ADAMTS19: variants seen among roughly 807,000 people sequenced by gnomAD.
ADAMTS19 encodes A disintegrin and metalloproteinase with thrombospondin motifs 19.
ADAMTS19 carries 93 observed loss-of-function variants against 153.3 expected under a neutral mutation model. The observed-to-expected ratio is 0.61, with a 90% confidence interval of 0.51 to 0.72. ADAMTS19 has a LOEUF of 0.72. Among genes scored for constraint, ADAMTS19 ranks in the 30% least tolerant of loss-of-function variants. The pLI, the probability that ADAMTS19 is intolerant of heterozygous loss-of-function variation, is 0.00. For synonymous variants in ADAMTS19, 600 were observed against 556.6 expected (o/e 1.08, Z -1.10); for missense variants, 1,482 against 1,552.1 (o/e 0.95, Z 0.76).
At chr5:129,530,069 C>T (rs1752146220) in intron 6 of ADAMTS19, among the ~76,000 whole-genome samples, 2 of 152,018 alleles carry the variant, frequency 1.3e-5, no homozygotes, top group Admixed American at 1.3e-4. Flanking sequence ...GATGATGAGC[C>T]AGTAATTGAA....
At position 129,526,179 on chromosome 5, in the gene ADAMTS19, A is replaced by T. The variant is rs567812550; in HGVS notation, c.914-105A>T. ...AAAGCCAAATGCCCTTTAAGATTTT[A>T]TGTGTGTCGGGAACTTATTTGGGTT... On this transcript the variant is annotated intron_variant, in intron 3 of 22. Transcript: ENST00000274487. 102 of 917,734 alleles carry T rather than the reference A, an allele frequency of 1.1e-4. 1 individual carries two copies. The highest frequency in any genetic ancestry group is 1.0e-3 in the Middle Eastern group (3 of 2,862). The allele number at this position is 917,734 out of a possible 1,614,324, so 56.8% of individuals were successfully genotyped here. A position where few individuals can be genotyped will look rare whatever the true frequency, so the allele number is the denominator to read the frequency against.
intron 2 of ADAMTS19, among the ~76,000 whole-genome samples, chr5:129,471,259 A>G (rs1333599497): frequency 2.0e-5 from 3 of 152,058 alleles, no homozygotes; most frequent in African/African-American, 7.2e-5. Flanking sequence ...CCAGCTACTC[A>G]GGAGGTTAAG....
At chr5:129,725,678 C>T (rs540711608) in intron 21 of ADAMTS19, among the ~76,000 whole-genome samples, 229 of 152,102 alleles carry the variant, frequency 1.5e-3, no homozygotes, top group South Asian at 3.7e-3. Flanking sequence ...ACCTGATGGT[C>T]GCCTGACATT....
intron 3 of ADAMTS19, among the ~76,000 whole-genome samples, chr5:129,523,572 T>C (rs570430094): frequency 6.6e-6 from 1 of 152,296 alleles, no homozygotes; most frequent in Non-Finnish European, 1.5e-5. Context: ...GGCTGCATAA[T>C]GTGACATGTA....
At chr5:129,585,158 C>T (rs1749717194) in intron 7 of ADAMTS19, among the ~76,000 whole-genome samples, 1 of 151,668 alleles carries the variant, frequency 6.6e-6, no homozygotes, top group South Asian at 2.1e-4. Context: ...GAGGGAGTTC[C>T]CCAACCCCTT....
intron 21 of ADAMTS19, among the ~76,000 whole-genome samples, chr5:129,730,636 A>G (rs372950270): frequency 8.3e-4 from 126 of 152,142 alleles, no homozygotes; most frequent in Admixed American, 2.0e-3. Context: ...TTAAATACAG[A>G]ACATGTACTT....
chr5:129,719,499 AC>A (rs1022697856), intron 21 of ADAMTS19, among the ~76,000 whole-genome samples: 9 of 152,314 alleles, frequency 5.9e-5, no homozygotes, highest in Non-Finnish European at 1.2e-4. Context: ...ATAATTTTAA[AC>A]TTTGGCATTT....
chr5:129,463,463 T>C (rs1357177002), intron 2 of ADAMTS19, among the ~76,000 whole-genome samples: 2 of 152,238 alleles, frequency 1.3e-5, no homozygotes, highest in Non-Finnish European at 2.9e-5. Context: ...CTGTTTATCA[T>C]GTTGGACTTT....
At position 129,738,237 on chromosome 5, in the gene ADAMTS19, A is replaced by T. The variant is rs1757755340; in HGVS notation, c.*1019A>T. ...TTAAAAAGTTTTACAATTATGTGAA[A>T]CGTTCAAAAGCCAGCTTAAAATTTT... is the stretch of plus-strand genomic sequence containing the variant. On this transcript the variant is annotated 3_prime_UTR_variant, in exon 23 of 23. Coordinates refer to ENST00000274487, the MANE Select transcript of ADAMTS19 (RefSeq NM_133638.6). The T allele has an allele frequency of 6.6e-6, 1 of 152,058 alleles. No individual in the cohort carries two copies. Among genetic ancestry groups the T allele is most frequent in the Non-Finnish European group, 1.5e-5 (1 of 67,982 alleles). 9.4% of individuals were successfully genotyped at this position (152,058 alleles called of 1,614,324 possible). A position where few individuals can be genotyped will look rare whatever the true frequency, so the allele number is the denominator to read the frequency against.
chr5:129,469,978 G>A (rs778305721), intron 2 of ADAMTS19, among the ~76,000 whole-genome samples: 2 of 152,158 alleles, frequency 1.3e-5, no homozygotes, highest in Admixed American at 6.5e-5. Flanking sequence ...AAGCTACATA[G>A]TGAATAAACA....
intron 7 of ADAMTS19, among the ~76,000 whole-genome samples, chr5:129,559,308 A>G (rs991421086): frequency 3.3e-5 from 5 of 152,102 alleles, no homozygotes; most frequent in African/African-American, 4.8e-5. Context: ...AGTAAGTAAG[A>G]AACAAACAAG....
In ADAMTS19 at chr5:129,658,793, G is replaced by T. The variant is rs1028206469; in HGVS notation, c.2425+56G>T. Reference sequence around the variant, plus strand: ...AATCCCTGCAATCTTTGGGAACACAGATTATATTGAATTTAACTTAAGAGA... The same window carrying T: ...AATCCCTGCAATCTTTGGGAACACATATTATATTGAATTTAACTTAAGAGA... On this transcript the variant is annotated intron_variant, in intron 15 of 22. Transcript: ENST00000274487. The T allele has an allele frequency of 2.7e-6, 4 of 1,503,402 alleles. No homozygotes were observed. In the Admixed American group the frequency reaches 6.0e-5, roughly 22 times the overall value. 93.1% of individuals were successfully genotyped at this position (1,503,402 alleles called of 1,614,324 possible).
At chr5:129,624,154 G>T (rs1025393510) in intron 10 of ADAMTS19, among the ~76,000 whole-genome samples, 2 of 114,798 alleles carry the variant, frequency 1.7e-5, no homozygotes, top group African/African-American at 3.2e-5. Flanking sequence ...AAAAAAAAAA[G>T]GCTGTACGGA....
intron 7 of ADAMTS19, among the ~76,000 whole-genome samples, chr5:129,583,670 T>C (rs1749638259): frequency 6.6e-6 from 1 of 151,806 alleles, no homozygotes; most frequent in Admixed American, 6.6e-5. Context: ...TGATCTTCAA[T>C]CTCTGATATC....
intron 15 of ADAMTS19, among the ~76,000 whole-genome samples, chr5:129,663,389 G>A (rs1753905123): frequency 6.6e-6 from 1 of 152,164 alleles, no homozygotes; most frequent in Non-Finnish European, 1.5e-5. Flanking sequence ...ATGTTACAGA[G>A]TTCTTACTGG....
intron 2 of ADAMTS19, among the ~76,000 whole-genome samples, chr5:129,478,340 T>C (rs1750293821): frequency 6.6e-6 from 1 of 152,204 alleles, no homozygotes; most frequent in Admixed American, 6.5e-5. Context: ...TATTTTATCT[T>C]TTAATAATAA....
chr5:129,597,338 C>A (rs1049856200), intron 8 of ADAMTS19, among the ~76,000 whole-genome samples: 1 of 152,088 alleles, frequency 6.6e-6, no homozygotes, highest in South Asian at 2.1e-4. Flanking sequence ...TAAGTACTCA[C>A]AACAATTTTG....
chr5:129,492,114 A>G (rs1241169066), intron 2 of ADAMTS19, among the ~76,000 whole-genome samples: 2 of 152,172 alleles, frequency 1.3e-5, no homozygotes, highest in Non-Finnish European at 2.9e-5. Context: ...GGTCTCAGGA[A>G]ACTTACAATC....
intron 10 of ADAMTS19, 122 bp downstream of exon 10, chr5:129,622,470 T>C: frequency 8.9e-7 from 1 of 1,120,638 alleles, no homozygotes; most frequent in South Asian, 1.9e-5. Flanking sequence ...AAAAGAAGGA[T>C]TTTCTAAGAA....
Sources: allele counts gnomAD v4.1 joint callset (sites outside exome capture counted in the v4.1 genomes callset), GRCh38; gene constraint gnomAD v4.1.1; transcripts MANE v1.5; gene names NCBI Gene and HGNC (gene_info 2026-07-23, HGNC 2026-07-21).